Variants in HHAT observed in about 807,000 individuals in gnomAD.
The protein encoded by HHAT is protein-cysteine N-palmitoyltransferase HHAT.
In HHAT, 47 loss-of-function variants were observed where a neutral mutation model predicts 70.8. That is an observed-to-expected ratio of 0.66 (90% CI 0.53 to 0.85). The LOEUF is 0.85. Among genes scored for constraint, HHAT ranks in the 40% least tolerant of loss-of-function variants. HHAT has a pLI of 0.00. For synonymous variants in HHAT, 228 were observed against 247.6 expected, an observed-to-expected ratio of 0.92 and a Z score of 0.74; for missense variants, 609 against 604.8, an observed-to-expected ratio of 1.01 and a Z score of -0.07.
At chr1:210,401,198 T>C (rs1382902445) in intron 5 of HHAT, among the ~76,000 whole-genome samples, 1 of 152,206 alleles carries the variant, frequency 6.6e-6, no homozygotes, top group South Asian at 2.1e-4. Context: ...CACTGCAACC[T>C]CCGCCTCCTG....
At chr1:210,547,527 G>A (rs2095493990) in intron 9 of HHAT, among the ~76,000 whole-genome samples, 1 of 152,170 alleles carries the variant, frequency 6.6e-6, no homozygotes, top group Non-Finnish European at 1.5e-5. Flanking sequence ...TGGTTGTGAT[G>A]AGGGCATATT....
chr1:210,427,769 T>G (rs1485881991), intron 7 of HHAT, among the ~76,000 whole-genome samples: 1 of 152,112 alleles, frequency 6.6e-6, no homozygotes, highest in African/African-American at 2.4e-5. Flanking sequence ...AGAATGTATA[T>G]TCTGTTGTTT....
At chr1:210,542,444 A>G (rs1272248253) in intron 9 of HHAT, among the ~76,000 whole-genome samples, 5 of 152,056 alleles carry the variant, frequency 3.3e-5, no homozygotes, top group African/African-American at 1.2e-4. Flanking sequence ...GGTTTAGGAA[A>G]TAAGTAAAAT....
At chr1:210,618,160 T>C (rs1668118461) in intron 10 of HHAT, among the ~76,000 whole-genome samples, 1 of 152,132 alleles carries the variant, frequency 6.6e-6, no homozygotes, top group Non-Finnish European at 1.5e-5. Context: ...AGGGGAAACA[T>C]GTCCTACAGG....
At chr1:210,632,259 G>A (rs1573879739) in intron 11 of HHAT, among the ~76,000 whole-genome samples, 1 of 152,212 alleles carries the variant, frequency 6.6e-6, no homozygotes. Context: ...TGATAATGAA[G>A]CAGCATCATT....
At chr1:210,361,755 A>G (rs942902152) in intron 2 of HHAT, among the ~76,000 whole-genome samples, 37 of 151,838 alleles carry the variant, frequency 2.4e-4, no homozygotes, top group African/African-American at 8.5e-4. Context: ...TTGGGGGGGA[A>G]TCTCAGCCAT....
intron 7 of HHAT, among the ~76,000 whole-genome samples, chr1:210,434,572 A>C (rs2093331373): frequency 6.6e-6 from 1 of 151,808 alleles, no homozygotes; most frequent in South Asian, 2.1e-4. Context: ...ATACAGCTGA[A>C]AATACACACA....
intron 3 of HHAT, among the ~76,000 whole-genome samples, chr1:210,372,037 C>A (rs2089615254): frequency 6.6e-6 from 1 of 152,196 alleles, no homozygotes; most frequent in Non-Finnish European, 1.5e-5. Context: ...GGCATTATTT[C>A]TCTACTCAAC....
intron 7 of HHAT, among the ~76,000 whole-genome samples, chr1:210,463,622 G>C (rs1219022503): frequency 6.6e-6 from 1 of 152,160 alleles, no homozygotes; most frequent in Non-Finnish European, 1.5e-5. Context: ...ACAAGTTTTT[G>C]TGTGAACATA....
intron 3 of HHAT, among the ~76,000 whole-genome samples, chr1:210,366,321 G>A (rs536612976): frequency 1.3e-5 from 2 of 152,186 alleles, no homozygotes; most frequent in Non-Finnish European, 2.9e-5. Context: ...AGCATTTCCT[G>A]CCCTAAGCCT....
At chr1:210,580,695 T>G (rs1659076996) in intron 9 of HHAT, among the ~76,000 whole-genome samples, 1 of 152,168 alleles carries the variant, frequency 6.6e-6, no homozygotes, top group African/African-American at 2.4e-5. Context: ...CTGCATAGTA[T>G]TCCACACATT....
At chr1:210,481,962 T>G (rs1023046522) in intron 8 of HHAT, among the ~76,000 whole-genome samples, 1 of 152,046 alleles carries the variant, frequency 6.6e-6, no homozygotes, top group African/African-American at 2.4e-5. Flanking sequence ...AGAAGGCCAG[T>G]GTGGCTGTCA....
At chr1:210,532,861 A>G (rs1233089224) in intron 9 of HHAT, among the ~76,000 whole-genome samples, 1 of 152,234 alleles carries the variant, frequency 6.6e-6, no homozygotes, top group Non-Finnish European at 1.5e-5. Context: ...ATACGAAAGG[A>G]AGAAAGAGTC....
At chr1:210,514,776 A>G (rs748361003) in intron 9 of HHAT, among the ~76,000 whole-genome samples, 2 of 152,228 alleles carry the variant, frequency 1.3e-5, no homozygotes, top group Admixed American at 6.5e-5. Context: ...TAAGCCTACC[A>G]TGTCCACTTA....
At chr1:210,596,276 G>A (rs150177081) in intron 10 of HHAT, among the ~76,000 whole-genome samples, 246 of 152,222 alleles carry the variant, frequency 1.6e-3, no homozygotes, top group African/African-American at 5.6e-3. Flanking sequence ...TTGACTTTGG[G>A]AGTTTGGTTA....
intron 2 of HHAT, among the ~76,000 whole-genome samples, chr1:210,361,184 A>T (rs890006241): frequency 6.6e-6 from 1 of 152,230 alleles, no homozygotes; most frequent in Non-Finnish European, 1.5e-5. Flanking sequence ...AAGAGGCAGA[A>T]AGTTTTTCTA....
intron 9 of HHAT, among the ~76,000 whole-genome samples, chr1:210,543,056 G>C (rs967029600): frequency 3.3e-5 from 5 of 152,138 alleles, no homozygotes; most frequent in African/African-American, 7.2e-5. Flanking sequence ...GTTAAGCAAA[G>C]CTTTTGATTT....
intron 1 of HHAT, among the ~76,000 whole-genome samples, chr1:210,343,567 C>A (rs893728550): frequency 6.6e-6 from 1 of 152,014 alleles, no homozygotes; most frequent in African/African-American, 2.4e-5. Flanking sequence ...AGGTGGCATT[C>A]GTGTAATGGA....
At chr1:210,648,549 T>C (rs1025297010) in intron 11 of HHAT, among the ~76,000 whole-genome samples, 10 of 152,216 alleles carry the variant, frequency 6.6e-5, no homozygotes, top group African/African-American at 2.4e-4. Context: ...TACTCATTGG[T>C]GGAGGTCTTA....
Sources: gnomAD v4.1 joint callset for allele counts (sites outside exome capture counted in the v4.1 genomes callset) on GRCh38, gnomAD v4.1.1 for gene constraint, MANE v1.5 for transcripts, NCBI Gene and HGNC (gene_info 2026-07-23, HGNC 2026-07-21) for gene names.